HPCAL1: variants seen among roughly 807,000 people sequenced by gnomAD.
HPCAL1 encodes hippocalcin-like protein 1.
Under a neutral mutation model 17.1 loss-of-function variants are expected in HPCAL1, and 8 were observed. The observed-to-expected ratio is 0.47, with a 90% CI of 0.27 to 0.84. The LOEUF is 0.84. HPCAL1 is among the 40% of genes least tolerant of loss of function. HPCAL1 has a pLI of 0.13. For synonymous variants in HPCAL1, 112 were observed against 111.4 expected (o/e 1.01, Z -0.03); for missense variants, 165 against 271.1 (o/e 0.61, Z 2.75).
intron 1 of HPCAL1, among the ~76,000 whole-genome samples, chr2:10,318,928 A>G (rs765561347): frequency 4.3e-4 from 66 of 152,188 alleles, no homozygotes; most frequent in Non-Finnish European, 8.4e-4. Flanking sequence ...TGCCGGGACC[A>G]CTGCCATGCT....
intron 1 of HPCAL1, among the ~76,000 whole-genome samples, chr2:10,317,937 C>T (rs1663424619): frequency 1.3e-5 from 2 of 152,184 alleles, no homozygotes; most frequent in African/African-American, 4.8e-5. Context: ...TCTTGTTGTC[C>T]CCATGGGACG....
In HPCAL1 at chr2:10,354,663, A is replaced by G. The variant is rs1006527423; in HGVS notation, c.-110-42172A>G. ...CATTGTCCGACGCACTGAGGCAGAG[A>G]CAGGAATTTTAACTACTCAAAAACT... On this transcript the variant is annotated intron_variant, in intron 1 of 4. Coordinates refer to ENST00000307845, the MANE Select transcript of HPCAL1 (RefSeq NM_002149.4). This position sits in a 1 kb window ranked among gnomAD's most constrained non-coding sequence, Gnocchi z 5.1. 1.3e-5 allele frequency among the ~76,000 whole-genome samples: 2 copies of G among 152,204 alleles called. No homozygotes were observed. Among genetic ancestry groups the G allele is most frequent in the Non-Finnish European group, 2.9e-5 (2 of 68,040 alleles).
At chr2:10,402,060 C>A (rs552271981) in intron 2 of HPCAL1, among the ~76,000 whole-genome samples, 1 of 152,122 alleles carries the variant, frequency 6.6e-6, no homozygotes, top group South Asian at 2.1e-4. Context: ...CCACCACGCC[C>A]GGCTAATTTT....
chr2:10,405,314 C>T (rs2125598954), intron 2 of HPCAL1, among the ~76,000 whole-genome samples: 1 of 152,356 alleles, frequency 6.6e-6, no homozygotes, highest in East Asian at 1.9e-4. Context: ...TACAGAGGAG[C>T]AAACAGGCTG....
chr2:10,389,747 C>T (rs1292429787), intron 1 of HPCAL1, among the ~76,000 whole-genome samples: 1 of 152,200 alleles, frequency 6.6e-6, no homozygotes, highest in African/African-American at 2.4e-5. Context: ...TTATGGGACT[C>T]TGTTGTGACT....
rs1382004623 is a variant in HPCAL1 at position 10,427,470 on chromosome 2, T to G, written c.*649T>G. 1 of 152,486 alleles carries G rather than the reference T, an allele frequency of 6.6e-6. No individual in the cohort carries two copies. Among genetic ancestry groups the G allele is most frequent in the Middle Eastern group, 3.4e-3 (1 of 296 alleles). The allele number at this position is 152,486 out of a possible 1,614,324, so 9.4% of individuals were successfully genotyped here. A position where few individuals can be genotyped will look rare whatever the true frequency, so the allele number is the denominator to read the frequency against. On this transcript the variant is annotated 3_prime_UTR_variant, in exon 5 of 5. Coordinates refer to ENST00000307845, the MANE Select transcript of HPCAL1 (RefSeq NM_002149.4). ...GGTATTTATGCTCTCTTTGTCTGCC[T>G]GTTTCTAAGGAAATGCATGTGTGCC...
chr2:10,406,865 C>T (rs901367875), intron 2 of HPCAL1, among the ~76,000 whole-genome samples: 1 of 152,172 alleles, frequency 6.6e-6, no homozygotes, highest in Non-Finnish European at 1.5e-5. Flanking sequence ...GGGTTCCGGA[C>T]GGAAGGGGAG....
At chr2:10,328,306 A>T (rs1664140539) in intron 1 of HPCAL1, among the ~76,000 whole-genome samples, 1 of 152,214 alleles carries the variant, frequency 6.6e-6, no homozygotes, top group Non-Finnish European at 1.5e-5. Context: ...CCCAACCTGG[A>T]GTGGTGCCAG....
At chr2:10,309,376 C>A (rs1269064424) in intron 1 of HPCAL1, among the ~76,000 whole-genome samples, 2 of 152,148 alleles carry the variant, frequency 1.3e-5, no homozygotes, top group African/African-American at 2.4e-5. Context: ...AGGCCCAGAG[C>A]AAATAAGTAG....
At chr2:10,369,781 C>T (rs574938434) in intron 1 of HPCAL1, among the ~76,000 whole-genome samples, 124 of 152,242 alleles carry the variant, frequency 8.1e-4, no homozygotes, top group African/African-American at 2.8e-3. Flanking sequence ...ATGCCGTGTT[C>T]GGATCCACTA....
chr2:10,376,443 C>T (rs975970175), intron 1 of HPCAL1, among the ~76,000 whole-genome samples: 1 of 91,812 alleles, frequency 1.1e-5, no homozygotes, highest in Non-Finnish European at 2.0e-5. Context: ...AAAAAAATCC[C>T]TCTTTTTTTT....
intron 1 of HPCAL1, among the ~76,000 whole-genome samples, chr2:10,392,614 T>C (rs781506446): frequency 1.6e-4 from 24 of 152,336 alleles, no homozygotes; most frequent in Non-Finnish European, 2.6e-4. Context: ...ATTTAATCTT[T>C]ACAAAAACTT....
At position 10,363,266 on chromosome 2, in the gene HPCAL1, C is replaced by G. The variant is rs528281498; in HGVS notation, c.-110-33569C>G. Among the ~76,000 whole-genome samples the G allele has an allele frequency of 1.3e-5, 2 of 152,094 alleles. No individual in the cohort carries two copies. The highest frequency in any genetic ancestry group is 4.8e-5 in the African/African-American group (2 of 41,420). ...TGGTGGGAGAGTGATTCCCCTGCAGCCCTTCTGAGGTCACTGCCACACCAT... is the reference window on the plus strand; with the variant it reads ...TGGTGGGAGAGTGATTCCCCTGCAGGCCTTCTGAGGTCACTGCCACACCAT... On this transcript the variant is annotated intron_variant, in intron 1 of 4. Coordinates refer to ENST00000307845, the MANE Select transcript of HPCAL1 (RefSeq NM_002149.4). The surrounding 1 kb of genome is among the most constrained non-coding windows in gnomAD (Gnocchi z 4.7).
rs191129199 is a variant in HPCAL1, at chr2:10,319,449, A to T, written c.-111+16272A>T. Among the ~76,000 whole-genome samples, 564 of 152,130 alleles carry T rather than the reference A, an allele frequency of 3.7e-3. 3 individuals carry two copies. The highest frequency in any genetic ancestry group is 6.2e-3 in the Non-Finnish European group (421 of 68,004). ...CTGGGAGCTGGACTCTCAGATGAAA[A>T]ATGCTTGTTCAAGCACAGACAGCCA... is the stretch of plus-strand genomic sequence containing the variant. On this transcript the variant is annotated intron_variant, in intron 1 of 4. Transcript: ENST00000307845.
In HPCAL1 at chr2:10,365,585, G is replaced by A. The variant is rs752163485; in HGVS notation, c.-110-31250G>A. Among the ~76,000 whole-genome samples the A allele has an allele frequency of 2.0e-5, 3 of 152,064 alleles. No individual in the cohort carries two copies. The highest frequency in any genetic ancestry group is 7.2e-5 in the African/African-American group (3 of 41,388). ...TGGGTGGTTCCCCTTCAGCCCTGGC[G>A]TTATGATGTCCCGCCCAACCCCCGA... On this transcript the variant is annotated intron_variant, in intron 1 of 4. Transcript: ENST00000307845. The surrounding 1 kb of genome is among the most constrained non-coding windows in gnomAD (Gnocchi z 4.8).
intron 1 of HPCAL1, among the ~76,000 whole-genome samples, chr2:10,349,411 TA>T (rs1665684474): frequency 6.6e-6 from 1 of 151,934 alleles, no homozygotes; most frequent in Non-Finnish European, 1.5e-5. Context: ...GAGGGGATCA[TA>T]AAAATGATAT....
chr2:10,414,161 G>A (rs1670513402), intron 2 of HPCAL1, among the ~76,000 whole-genome samples: 1 of 152,248 alleles, frequency 6.6e-6, no homozygotes, highest in East Asian at 1.9e-4. Context: ...CACAGGCCAT[G>A]GTTGCTGCTT....
At chr2:10,334,694 A>AATTTTTTTTTTTTT (rs1274304432) in intron 1 of HPCAL1, among the ~76,000 whole-genome samples, 1 of 122,696 alleles carries the variant, frequency 8.2e-6, no homozygotes. Flanking sequence ...AATTCCATTG[A>AATTTTTTTTTTTTT]CTTTTTTTTG....
chr2:10,392,641 C>T (rs756635130), intron 1 of HPCAL1, among the ~76,000 whole-genome samples: 2 of 149,010 alleles, frequency 1.3e-5, no homozygotes, highest in Non-Finnish European at 3.0e-5. Flanking sequence ...CTAGGTAGTA[C>T]TATTGTCATC....
Sources: allele counts gnomAD v4.1 joint callset (sites outside exome capture counted in the v4.1 genomes callset), GRCh38; gene constraint gnomAD v4.1.1; non-coding constraint Gnocchi (gnomAD v3.1); transcripts MANE v1.5; gene names NCBI Gene and HGNC (gene_info 2026-07-23, HGNC 2026-07-21).